The following LANCL1 variants were observed in gnomAD, a reference collection of about 807,000 sequenced individuals.
LANCL1 encodes the protein LanC like glutathione S-transferase 1.
A neutral mutation model predicts 50.6 loss-of-function variants in LANCL1; 50 were observed. The ratio of observed to expected loss-of-function variants is 0.99; its 90% confidence interval spans 0.79 to 1.25. The LOEUF (loss-of-function observed/expected upper bound fraction) is 1.25. Ranked by LOEUF, LANCL1 falls within the 50% of genes most tolerant of loss-of-function variation. The probability of loss-of-function intolerance (pLI) is 0.00; values close to 1 mark genes in which losing one functional copy is unlikely to be tolerated. For missense variants in LANCL1, 532 were observed against 480.7 expected (o/e 1.11, Z -1.00); for synonymous variants, 188 against 178.6 (o/e 1.05, Z -0.42).
intron 4 of LANCL1, among the ~76,000 whole-genome samples, chr2:210,449,152 C>T (rs910678834): frequency 6.6e-6 from 1 of 152,164 alleles, no homozygotes; most frequent in Non-Finnish European, 1.5e-5. Context: ...AGCTTATCCA[C>T]CATGATCAAG....
chr2:210,438,637 T>G (rs1693021747), intron 6 of LANCL1, among the ~76,000 whole-genome samples: 1 of 152,118 alleles, frequency 6.6e-6, no homozygotes, highest in Non-Finnish European at 1.5e-5. Flanking sequence ...ATAGGTGGTA[T>G]TTTCAATAGA....
intron 3 of LANCL1, among the ~76,000 whole-genome samples, chr2:210,465,654 CA>C (rs1694030986): frequency 6.6e-6 from 1 of 152,082 alleles, no homozygotes; most frequent in Non-Finnish European, 1.5e-5. Flanking sequence ...CAACTAGAAG[CA>C]AAACGATCTA....
At chr2:210,461,131 C>A (rs1693844326) in intron 3 of LANCL1, among the ~76,000 whole-genome samples, 2 of 151,818 alleles carry the variant, frequency 1.3e-5, no homozygotes, top group Non-Finnish European at 2.9e-5. Flanking sequence ...TCTTTCCTTC[C>A]TACTTTTTTC....
chr2:210,461,862 A>G (rs938901259), intron 3 of LANCL1, among the ~76,000 whole-genome samples: 1 of 152,180 alleles, frequency 6.6e-6, no homozygotes, highest in Admixed American at 6.5e-5. Context: ...TCTTAAAGAC[A>G]GTAGTGAGAT....
chr2:210,471,424 T>C (rs1694220978), intron 3 of LANCL1: 1 of 363,004 alleles, frequency 2.8e-6, no homozygotes. Context: ...AGCCTCTCAA[T>C]GATTGAGATT....
At chr2:210,444,443 G>A (rs1354887007) in intron 4 of LANCL1, among the ~76,000 whole-genome samples, 2 of 152,202 alleles carry the variant, frequency 1.3e-5, no homozygotes, top group Non-Finnish European at 2.9e-5. Context: ...GTGAGTGAAA[G>A]TGGCTGACAG....
chr2:210,465,659 C>T (rs1017469207), intron 3 of LANCL1, among the ~76,000 whole-genome samples: 6 of 152,014 alleles, frequency 3.9e-5, no homozygotes, highest in Admixed American at 2.6e-4. Flanking sequence ...AGAAGCAAAA[C>T]GATCTAAAGC....
chr2:210,442,114 C>A (rs1026779595), intron 4 of LANCL1, among the ~76,000 whole-genome samples: 3 of 151,902 alleles, frequency 2.0e-5, no homozygotes, highest in Non-Finnish European at 4.4e-5. Flanking sequence ...ATGTTGGTCA[C>A]GCTGGTCTCC....
rs1353085213 is a variant in LANCL1 at position 210,434,091 on chromosome 2, G to C, written c.*396C>G. ...GAAAAATATTAAAGAGAAGTGAAGT[G>C]TAATACCCAATAATAGTCACATATT... On this transcript the variant is annotated 3_prime_UTR_variant, in exon 10 of 10. Transcript: ENST00000450366. 6.5e-6 allele frequency: 1 copy of C among 153,744 alleles called. No individual in the cohort carries two copies. Among genetic ancestry groups the C allele is most frequent in the African/African-American group, 2.4e-5 (1 of 41,502 alleles). The allele number at this position is 153,744 out of a possible 1,614,324, so 9.5% of individuals were successfully genotyped here.
At chr2:210,464,272 T>C (rs1282542158) in intron 3 of LANCL1, among the ~76,000 whole-genome samples, 1 of 152,212 alleles carries the variant, frequency 6.6e-6, no homozygotes, top group Admixed American at 6.5e-5. Flanking sequence ...TAACTAATTG[T>C]AATAATCATT....
intron 4 of LANCL1, among the ~76,000 whole-genome samples, chr2:210,451,311 C>T (rs897433576): frequency 1.3e-5 from 2 of 150,518 alleles, no homozygotes; most frequent in African/African-American, 2.4e-5. Flanking sequence ...CATCACACAC[C>T]GGGGCCTGTC....
chr2:210,471,565 G>T, intron 3 of LANCL1: 1 of 461,872 alleles, frequency 2.2e-6, no homozygotes, highest in Non-Finnish European at 4.3e-6. Context: ...ACATGCTTCT[G>T]GACATATTTT....
intron 4 of LANCL1, among the ~76,000 whole-genome samples, chr2:210,453,137 C>T (rs889932716): frequency 4.6e-5 from 7 of 152,148 alleles, no homozygotes; most frequent in African/African-American, 1.7e-4. Context: ...ATTATATTCA[C>T]ATACTATATT....
intron 2 of LANCL1, among the ~76,000 whole-genome samples, chr2:210,475,530 G>T (rs1694331581): frequency 6.6e-6 from 1 of 152,094 alleles, no homozygotes; most frequent in Non-Finnish European, 1.5e-5. Context: ...ATAAGGTCCT[G>T]CTGTGTTGCA....
chr2:210,444,509 A>C (rs1693249675), intron 4 of LANCL1, among the ~76,000 whole-genome samples: 1 of 152,228 alleles, frequency 6.6e-6, no homozygotes, highest in African/African-American at 2.4e-5. Flanking sequence ...GAACTGCAGG[A>C]AAGTGGGGGT....
At chr2:210,468,619 G>A (rs778894171) in intron 3 of LANCL1, 6 of 152,212 alleles carry the variant, frequency 3.9e-5, no homozygotes, top group Non-Finnish European at 7.3e-5. Context: ...GGGACTTCCA[G>A]GAAGGCTTTT....
intron 2 of LANCL1, among the ~76,000 whole-genome samples, chr2:210,474,438 C>A (rs6727682): frequency 0.48 from 73,530 of 151,736 alleles, 18,133 homozygotes; most frequent in East Asian, 0.61. Flanking sequence ...AAATTTGGCC[C>A]GACATGGTGG....
intron 4 of LANCL1, among the ~76,000 whole-genome samples, chr2:210,451,324 G>C (rs996399241): frequency 1.3e-5 from 2 of 152,046 alleles, no homozygotes; most frequent in African/African-American, 4.8e-5. Context: ...GGCCTGTCAG[G>C]GGGTGGGGGA....
chr2:210,443,155 C>T (rs1693197757), intron 4 of LANCL1, among the ~76,000 whole-genome samples: 1 of 152,168 alleles, frequency 6.6e-6, no homozygotes, highest in Non-Finnish European at 1.5e-5. Context: ...GGGGAAGCCT[C>T]AGGAACCAGC....
Sources: gnomAD v4.1 joint callset for allele counts (sites outside exome capture counted in the v4.1 genomes callset) on GRCh38, gnomAD v4.1.1 for gene constraint, MANE v1.5 for transcripts, NCBI Gene and HGNC (gene_info 2026-07-23, HGNC 2026-07-21) for gene names.